Variants in NUDT3 observed in about 807,000 individuals in gnomAD.
NUDT3 encodes diphosphoinositol polyphosphate phosphohydrolase 1.
Under a neutral mutation model 23.6 loss-of-function variants are expected in NUDT3, and 9 were observed. The ratio of observed to expected loss-of-function variants is 0.38; its 90% CI spans 0.23 to 0.66. NUDT3 has a LOEUF of 0.66. NUDT3 is among the 30% of genes least tolerant of loss of function. The probability of loss-of-function intolerance (pLI) is 0.52; values close to 1 mark genes in which losing one functional copy is unlikely to be tolerated. For missense variants in NUDT3, 172 were observed against 218.5 expected, an observed-to-expected ratio of 0.79 and a Z score of 1.34; for synonymous variants, 86 against 82.6, an observed-to-expected ratio of 1.04 and a Z score of -0.22.
chr6:34,307,782 T>C (rs1008780417), intron 2 of NUDT3, among the ~76,000 whole-genome samples: 2 of 151,938 alleles, frequency 1.3e-5, no homozygotes, highest in African/African-American at 4.8e-5. Context: ...ATGGGAGATA[T>C]TAATCCAACT....
At chr6:34,331,839 G>A (rs573732452) in intron 2 of NUDT3, among the ~76,000 whole-genome samples, 2 of 152,148 alleles carry the variant, frequency 1.3e-5, no homozygotes, top group African/African-American at 4.8e-5. Context: ...TGAACAAGTT[G>A]GTAGGGTGCC....
At chr6:34,376,452 A>AT (rs546087033) in intron 1 of NUDT3, among the ~76,000 whole-genome samples, 1 of 151,834 alleles carries the variant, frequency 6.6e-6, no homozygotes, top group Non-Finnish European at 1.5e-5. Context: ...CTAATTTTTT[A>AT]TTTTTGTAGA....
At chr6:34,385,744 C>T (rs1306831282) in intron 1 of NUDT3, among the ~76,000 whole-genome samples, 1 of 150,704 alleles carries the variant, frequency 6.6e-6, no homozygotes, top group Non-Finnish European at 1.5e-5. Context: ...AGTGCAGTGG[C>T]GTGCTGTTGG....
At chr6:34,358,614 GA>G (rs1764599795) in intron 1 of NUDT3, among the ~76,000 whole-genome samples, 1 of 152,014 alleles carries the variant, frequency 6.6e-6, no homozygotes, top group African/African-American at 2.4e-5. Flanking sequence ...AAGTAAAAAA[GA>G]AATTTTTACT....
intron 1 of NUDT3, among the ~76,000 whole-genome samples, chr6:34,369,125 T>A (rs1280223559): frequency 2.0e-5 from 3 of 152,242 alleles, no homozygotes; most frequent in Non-Finnish European, 4.4e-5. Flanking sequence ...TATAGAAATG[T>A]ATGTTAACAA....
intron 2 of NUDT3, among the ~76,000 whole-genome samples, chr6:34,305,599 G>A (rs1308422810): frequency 6.6e-6 from 1 of 152,022 alleles, no homozygotes; most frequent in Admixed American, 6.6e-5. Context: ...GCTTGCTCTT[G>A]TTTTTTCCAG....
intron 4 of NUDT3, among the ~76,000 whole-genome samples, chr6:34,291,582 A>G (rs1763423319): frequency 6.6e-6 from 1 of 151,962 alleles, no homozygotes; most frequent in Non-Finnish European, 1.5e-5. Flanking sequence ...GGCTCACTGC[A>G]ACCTCCACCT....
chr6:34,386,779 T>C (rs930551675), intron 1 of NUDT3, among the ~76,000 whole-genome samples: 1 of 152,208 alleles, frequency 6.6e-6, no homozygotes, highest in African/African-American at 2.4e-5. Flanking sequence ...CATGTGTTTA[T>C]GGTGAGTACA....
intron 1 of NUDT3, among the ~76,000 whole-genome samples, chr6:34,367,281 A>C (rs1764750602): frequency 2.0e-5 from 3 of 152,082 alleles, no homozygotes; most frequent in South Asian, 4.1e-4. Context: ...CAGGAGTTTG[A>C]GACCAGCCTG....
rs113693042 is a variant in NUDT3 at position 34,299,359 on chromosome 6, T to C, written c.211-3674A>G. On this transcript the variant is annotated intron_variant, in intron 2 of 4. Transcript: ENST00000607016. ...GTCTTTATTTAAAAGTCCATCTTAG[T>C]AGAGATAATTCTTTCACCCTTTTCT... 2.5e-3 allele frequency among the ~76,000 whole-genome samples: 375 copies of C among 152,322 alleles called. 1 individual carries two copies. Among genetic ancestry groups the C allele is most frequent in the African/African-American group, 8.0e-3 (332 of 41,566 alleles).
At chr6:34,371,988 G>A (rs928996969) in intron 1 of NUDT3, among the ~76,000 whole-genome samples, 12 of 152,178 alleles carry the variant, frequency 7.9e-5, no homozygotes, top group South Asian at 2.1e-4. Context: ...GTGAGAACAC[G>A]CAGTGTTTGG....
chr6:34,392,173 C>G, intron 1 of NUDT3, 91 bp downstream of exon 1: 1 of 981,904 alleles, frequency 1.0e-6, no homozygotes, highest in Non-Finnish European at 1.5e-6. Context: ...GCGGCCCTGG[C>G]ACACCCTCCT....
chr6:34,352,755 A>C (rs1764496949), intron 1 of NUDT3, among the ~76,000 whole-genome samples: 1 of 152,238 alleles, frequency 6.6e-6, no homozygotes, highest in African/African-American at 2.4e-5. Flanking sequence ...CCACAAATGT[A>C]CACTGTCATC....
chr6:34,308,871 C>T lies in NUDT3; in HGVS notation c.211-13186G>A, dbSNP rs539902588. Among the ~76,000 whole-genome samples, 4 of 152,262 alleles carry T rather than the reference C, an allele frequency of 2.6e-5. No individual in the cohort carries two copies. The East Asian group carries it at 5.8e-4, about 22-fold the overall frequency. ...GTTGGGGACTTCAATACCCCTCTAT[C>T]GAAACAGGCAGATCTAGGTGGCAGA... is the stretch of plus-strand genomic sequence containing the variant. On this transcript the variant is annotated intron_variant, in intron 2 of 4. Coordinates refer to ENST00000607016, the MANE Select transcript of NUDT3 (RefSeq NM_006703.4).
At chr6:34,328,481 A>G (rs1468350376) in intron 2 of NUDT3, among the ~76,000 whole-genome samples, 1 of 152,186 alleles carries the variant, frequency 6.6e-6, no homozygotes, top group Admixed American at 6.5e-5. Context: ...GAAAAAACGG[A>G]AAGTACAAAG....
rs775847558 is a variant in NUDT3 at position 34,288,784 on chromosome 6, GA to G, written c.487del (p.Ser163LeufsTer12). ...GATGCCTGACATCGAGCTCTGAGCA[GA>G]AACCGAGTATGTGGTGGCCACGACT... The part of the protein sequence containing the change: ...TPVVATTYSV[S>X]AQSSMSGIR On this transcript the variant is annotated frameshift_variant, in exon 5 of 5. Transcript: ENST00000607016. LOFTEE classifies it high-confidence loss of function. The G allele has an allele frequency of 2.9e-5, 47 of 1,613,204 alleles. No homozygotes were observed. Among genetic ancestry groups the G allele is most frequent in the Middle Eastern group, 1.6e-4 (1 of 6,080 alleles).
intron 1 of NUDT3, among the ~76,000 whole-genome samples, chr6:34,354,818 A>T (rs1764538086): frequency 1.4e-5 from 2 of 147,988 alleles, no homozygotes; most frequent in Non-Finnish European, 3.0e-5. Flanking sequence ...TGTATTTTAT[A>T]TATTTATTTT....
In NUDT3 at chr6:34,305,553, C is replaced by T. The variant is rs186912993; in HGVS notation, c.211-9868G>A. 5.5e-3 allele frequency among the ~76,000 whole-genome samples: 838 copies of T among 152,242 alleles called. 5 individuals carry two copies. The highest frequency in any genetic ancestry group is 9.3e-3 in the Non-Finnish European group (630 of 68,014). On this transcript the variant is annotated intron_variant, in intron 2 of 4. Transcript: ENST00000607016. ...TCTATTTTTCTATTAATTTCTACCCCTTTCCTTGTTATTTCTGTCCCTTTA... is the reference window on the plus strand; with the variant it reads ...TCTATTTTTCTATTAATTTCTACCCTTTTCCTTGTTATTTCTGTCCCTTTA...
At chr6:34,294,518 G>A (rs1763470232) in intron 3 of NUDT3, among the ~76,000 whole-genome samples, 1 of 152,050 alleles carries the variant, frequency 6.6e-6, no homozygotes, top group East Asian at 2.0e-4. Context: ...CCTGAGGTCA[G>A]GAGTTCCAGA....
Sources: allele counts gnomAD v4.1 joint callset (sites outside exome capture counted in the v4.1 genomes callset), GRCh38; gene constraint gnomAD v4.1.1; transcripts MANE v1.5; gene names NCBI Gene and HGNC (gene_info 2026-07-23, HGNC 2026-07-21).